Variants in GALNT13 observed in about 807,000 individuals in gnomAD.
The protein encoded by GALNT13 is UDP-GalNAc:polypeptide N-acetylgalactosaminyltransferase 13.
Under a neutral mutation model 64.2 loss-of-function variants are expected in GALNT13, and 28 were observed. The ratio of observed to expected loss-of-function variants is 0.44; its 90% CI spans 0.32 to 0.60. The LOEUF is 0.60. Among genes scored for constraint, GALNT13 ranks in the 20% least tolerant of loss-of-function variants. The probability of loss-of-function intolerance (pLI) is 0.05; values close to 1 mark genes in which losing one functional copy is unlikely to be tolerated. For synonymous variants in GALNT13, 214 were observed against 224.6 expected (o/e 0.95, Z 0.42); for missense variants, 577 against 669.8 (o/e 0.86, Z 1.53).
the GALNT13 span, among the ~76,000 whole-genome samples, chr2:153,206,923 C>CT: frequency 1.3e-4 from 19 of 151,832 alleles, 1 homozygote; most frequent in South Asian, 3.7e-3. Flanking sequence ...ACAGCCAATT[C>CT]TTTTTTTTAA....
the GALNT13 span, among the ~76,000 whole-genome samples, chr2:153,589,262 C>G: frequency 2.6e-4 from 39 of 152,328 alleles, no homozygotes; most frequent in Admixed American, 7.2e-4. Flanking sequence ...AAAACATGAA[C>G]AGAGTTACCT....
At chr2:154,354,726 T>C (rs180847844) in intron 9 of GALNT13, among the ~76,000 whole-genome samples, 3 of 152,204 alleles carry the variant, frequency 2.0e-5, no homozygotes, top group Admixed American at 6.5e-5. Flanking sequence ...AATTAGCTGA[T>C]CATAAATGTT....
At chr2:154,102,050 T>C (rs1702375196) in intron 3 of GALNT13, among the ~76,000 whole-genome samples, 1 of 152,160 alleles carries the variant, frequency 6.6e-6, no homozygotes, top group African/African-American at 2.4e-5. Flanking sequence ...CAAGACTTGC[T>C]TTATTGCCAG....
At chr2:153,372,622 G>A in the GALNT13 span, among the ~76,000 whole-genome samples, 4 of 151,288 alleles carry the variant, frequency 2.6e-5, no homozygotes, top group African/African-American at 9.7e-5. Context: ...CTCCAGCCTG[G>A]TGACAGAGCG....
At chr2:154,144,953 A>G (rs1048668973) in intron 4 of GALNT13, among the ~76,000 whole-genome samples, 2 of 151,292 alleles carry the variant, frequency 1.3e-5, no homozygotes, top group South Asian at 4.2e-4. Context: ...CAAAGAAATT[A>G]TGTTACTTTT....
chr2:154,425,483 A>G (rs1306994160), intron 11 of GALNT13, among the ~76,000 whole-genome samples: 2 of 152,186 alleles, frequency 1.3e-5, no homozygotes, highest in African/African-American at 2.4e-5. Context: ...ATAAAGGGAA[A>G]CTATGTATGC....
At chr2:153,453,977 G>A in the GALNT13 span, among the ~76,000 whole-genome samples, 1 of 152,090 alleles carries the variant, frequency 6.6e-6, no homozygotes, top group African/African-American at 2.4e-5. Flanking sequence ...CAACATGAAT[G>A]CAGCTGGAGA....
At chr2:153,483,629 T>C in the GALNT13 span, among the ~76,000 whole-genome samples, 23 of 152,082 alleles carry the variant, frequency 1.5e-4, no homozygotes, top group Non-Finnish European at 3.2e-4. Flanking sequence ...TTGGTCAGGC[T>C]GGTCCTGAAC....
chr2:154,198,584 C>T (rs538923656), intron 4 of GALNT13, among the ~76,000 whole-genome samples: 22 of 152,022 alleles, frequency 1.4e-4, no homozygotes, highest in Non-Finnish European at 2.8e-4. Context: ...ATTGTAACTT[C>T]TTTAACTTAC....
chr2:153,107,845 C>G, the GALNT13 span, among the ~76,000 whole-genome samples: 733 of 152,208 alleles, frequency 4.8e-3, 2 homozygotes, highest in Middle Eastern at 0.014. Context: ...AGGTTTGGCA[C>G]AGAAAATCCA....
the GALNT13 span, among the ~76,000 whole-genome samples, chr2:153,097,714 C>T: frequency 6.6e-6 from 1 of 152,110 alleles, no homozygotes; most frequent in Admixed American, 6.6e-5. Flanking sequence ...CCTAATCTCA[C>T]CATTCTTTCC....
chr2:154,242,874 G>A lies in GALNT13; in HGVS notation c.655G>A (p.Glu219Lys), dbSNP rs142979145. Reference protein sequence around the residue: ...AHCECTLGWLEPLLARIKEDR... With the variant: ...AHCECTLGWLKPLLARIKEDR... The stretch of plus-strand genomic sequence containing the variant: ...CTGTGAATGCACGTTAGGATGGCTG[G>A]AGCCTTTGCTGGCAAGAATAAAGGA... Residue 219 changes from glutamate to lysine, a missense_variant, in exon 6 of 13, where the codon GAG becomes AAG. Glu to Lys is a moderately conservative substitution (Grantham distance 56). Transcript: ENST00000392825. 7 of 1,614,016 alleles carry A rather than the reference G, an allele frequency of 4.3e-6. No individual in the cohort carries two copies. The highest frequency in any genetic ancestry group is 5.9e-6 in the Non-Finnish European group (7 of 1,180,016).
chr2:154,120,430 G>A (rs1215924686), intron 3 of GALNT13, among the ~76,000 whole-genome samples: 1 of 152,200 alleles, frequency 6.6e-6, no homozygotes, highest in African/African-American at 2.4e-5. Context: ...ATGCTCATTA[G>A]AACTGGAAGA....
chr2:154,329,514 G>A (rs150717174), intron 9 of GALNT13, among the ~76,000 whole-genome samples: 6 of 152,158 alleles, frequency 3.9e-5, no homozygotes, highest in African/African-American at 7.2e-5. Context: ...TTGCCAGTTC[G>A]GTTTCTCTGG....
At chr2:154,300,099 C>CTTTTTTTT (rs368475927) in intron 8 of GALNT13, among the ~76,000 whole-genome samples, 2 of 117,040 alleles carry the variant, frequency 1.7e-5, no homozygotes, top group African/African-American at 3.2e-5. Flanking sequence ...TTCTTTCTCT[C>CTTTTTTTT]TTTTTTTTTT....
chr2:154,153,321 G>C (rs1260892982), intron 4 of GALNT13, among the ~76,000 whole-genome samples: 1 of 152,116 alleles, frequency 6.6e-6, no homozygotes, highest in Non-Finnish European at 1.5e-5. Context: ...GGCCATGTGA[G>C]GTGTCAGTCT....
At chr2:154,185,461 C>G (rs2348787) in intron 4 of GALNT13, among the ~76,000 whole-genome samples, 8 of 151,872 alleles carry the variant, frequency 5.3e-5, no homozygotes, top group African/African-American at 1.9e-4. Flanking sequence ...TTTCTCTATC[C>G]CTTCCGAGAT....
chr2:154,094,662 C>G (rs1386332008), intron 3 of GALNT13, among the ~76,000 whole-genome samples: 1 of 151,880 alleles, frequency 6.6e-6, no homozygotes, highest in Non-Finnish European at 1.5e-5. Context: ...TAATTTAGCA[C>G]TGAGTAGTCA....
At chr2:153,203,272 G>A in the GALNT13 span, among the ~76,000 whole-genome samples, 2 of 152,098 alleles carry the variant, frequency 1.3e-5, no homozygotes, top group Admixed American at 6.5e-5. Flanking sequence ...AGGTCTATTC[G>A]TCTTCTACAA....
Sources: allele counts gnomAD v4.1 joint callset (sites outside exome capture counted in the v4.1 genomes callset), GRCh38; gene constraint gnomAD v4.1.1; transcripts MANE v1.5; gene names NCBI Gene and HGNC (gene_info 2026-07-23, HGNC 2026-07-21).